TPPP: variants seen among roughly 807,000 people sequenced by gnomAD.
The protein encoded by TPPP is tubulin polymerization promoting protein, also known as tubulin polymerization-promoting protein.
TPPP carries 6 observed loss-of-function variants against 15.5 expected under a neutral mutation model. The ratio of observed to expected loss-of-function variants is 0.39; its 90% confidence interval spans 0.21 to 0.77. TPPP has a LOEUF of 0.77. Among genes scored for constraint, TPPP ranks in the 30% least tolerant of loss-of-function variants. The pLI, the probability that TPPP is intolerant of heterozygous loss-of-function variation, is 0.42. For synonymous variants in TPPP, 146 were observed against 133.9 expected (o/e 1.09, Z -0.63); for missense variants, 269 against 307.2 (o/e 0.88, Z 0.93).
chr5:698,804 A>G, the TPPP span, among the ~76,000 whole-genome samples: 1 of 152,018 alleles, frequency 6.6e-6, no homozygotes, highest in Admixed American at 6.6e-5. Context: ...CTTAGATTTG[A>G]TAAATAAATT....
Position 665,159 on chromosome 5 carries a change from A to G in TPPP, c.603T>C (p.Tyr201=), listed in dbSNP as rs766450034. Residue 201 remains tyrosine, a synonymous_variant, in exon 4 of 4, where the codon TAT becomes TAC. Coordinates refer to ENST00000360578, the MANE Select transcript of TPPP (RefSeq NM_007030.3). ...GRVDLVDESG[Y]VSGYKHAGTY... is the part of the protein sequence containing the mutation. The stretch of plus-strand genomic sequence containing the variant: ...TGCCTGCGTGCTTGTAGCCGGACAC[A>G]TAGCCTGACTCGTCCACCAGATCCA... The G allele has an allele frequency of 2.6e-5, 42 of 1,613,430 alleles. No homozygotes were observed. The Admixed American group carries it at 6.0e-4, about 23-fold the overall frequency.
intron 1 of TPPP, among the ~76,000 whole-genome samples, chr5:681,806 G>C (rs1350578331): frequency 6.6e-6 from 1 of 152,248 alleles, no homozygotes; most frequent in Non-Finnish European, 1.5e-5. Flanking sequence ...GATGAGGGCA[G>C]AGGTGGCACC....
At chr5:673,159 CAA>C (rs1740281719) in intron 2 of TPPP, among the ~76,000 whole-genome samples, 1 of 150,058 alleles carries the variant, frequency 6.7e-6, no homozygotes, top group Non-Finnish European at 1.5e-5. Flanking sequence ...AAAACAAAAG[CAA>C]CTCCCACAGG....
intron 2 of TPPP, among the ~76,000 whole-genome samples, chr5:674,084 G>A (rs1437793141): frequency 1.3e-5 from 2 of 152,244 alleles, no homozygotes; most frequent in East Asian, 3.8e-4. Flanking sequence ...CGGCCCTGCA[G>A]GGCTGACGGC....
At chr5:667,077 A>T (rs113665893) in intron 2 of TPPP, 1 of 151,204 alleles carries the variant, frequency 6.6e-6, no homozygotes, top group Admixed American at 6.6e-5. Flanking sequence ...GACCCATAAA[A>T]CCCCAGCAAG....
intron 1 of TPPP, among the ~76,000 whole-genome samples, chr5:682,842 G>T (rs1225851000): frequency 6.6e-6 from 1 of 152,350 alleles, no homozygotes. Context: ...GAGGCTGGTG[G>T]ACAGGCTGTG....
chr5:674,724 G>C (rs1424161680), intron 2 of TPPP, among the ~76,000 whole-genome samples: 1 of 151,984 alleles, frequency 6.6e-6, no homozygotes, highest in Non-Finnish European at 1.5e-5. Context: ...GAGGCTGCAG[G>C]TTTCCAGCAG....
At chr5:675,132 A>AG (rs1740365057) in intron 2 of TPPP, among the ~76,000 whole-genome samples, 1 of 88,002 alleles carries the variant, frequency 1.1e-5, no homozygotes, top group Non-Finnish European at 2.3e-5. Flanking sequence ...CAGTGTGGCC[A>AG]GGGGTGCAGT....
chr5:684,232 C>G (rs1265095335), intron 1 of TPPP, among the ~76,000 whole-genome samples: 1 of 152,226 alleles, frequency 6.6e-6, no homozygotes, highest in South Asian at 2.1e-4. Context: ...AGGACGCTGA[C>G]TGAGGGAGCG....
At chr5:688,515 C>T (rs368314539) in intron 1 of TPPP, among the ~76,000 whole-genome samples, 296 of 151,596 alleles carry the variant, frequency 2.0e-3, no homozygotes, top group Middle Eastern at 6.8e-3. Context: ...GACGGGAAAA[C>T]GGACGGTGAG....
chr5:669,956 C>T (rs1424915448), intron 2 of TPPP, among the ~76,000 whole-genome samples: 5 of 152,122 alleles, frequency 3.3e-5, no homozygotes, highest in South Asian at 2.1e-4. Context: ...GTGTGGAGCT[C>T]GGCATCCTCA....
chr5:664,208 G>T lies in TPPP; in HGVS notation c.*894C>A, dbSNP rs3749611. The stretch of plus-strand genomic sequence containing the variant: ...CAGGGTGCAGCTAGTGAGGACGGGC[G>T]AACGGGAGGGCCGGGCAGAGGCTCT... On this transcript the variant is annotated 3_prime_UTR_variant, in exon 4 of 4. Transcript: ENST00000360578. The T allele has an allele frequency of 6.6e-6, 1 of 152,666 alleles. No homozygotes were observed. The highest frequency in any genetic ancestry group is 6.5e-5 in the Admixed American group (1 of 15,294). 9.5% of individuals were successfully genotyped at this position (152,666 alleles called of 1,614,324 possible). A position where few individuals can be genotyped will look rare whatever the true frequency, so the allele number is the denominator to read the frequency against.
At chr5:695,972 C>T (rs1206280906), upstream of TPPP, among the ~76,000 whole-genome samples, 1 of 121,588 alleles carries the variant, frequency 8.2e-6, no homozygotes, top group African/African-American at 3.0e-5. Context: ...GCTGTTTCCA[C>T]GGCTTCCTGC....
In TPPP at chr5:666,008, G is replaced by T; in HGVS notation, c.427C>A (p.Leu143Ile). The T allele has an allele frequency of 6.2e-7, 1 of 1,601,916 alleles. No individual in the cohort carries two copies. Residue 143 changes from leucine (L) to isoleucine (I), a missense_variant, in exon 3 of 4, where the codon CTC (leucine) becomes ATC (isoleucine). By Grantham distance (5) the Leu-to-Ile change is conservative. Coordinates refer to ENST00000360578, the MANE Select transcript of TPPP (RefSeq NM_007030.3). ...ATGATGGGCGCCTTGCCCTCGATGA[G>T]CCTGTGCACCTCGCGAACGGCCTCC... ...SEEAVREVHR[L>I]IEGKAPIISG...
At chr5:673,072 C>G (rs1740278999) in intron 2 of TPPP, among the ~76,000 whole-genome samples, 1 of 152,170 alleles carries the variant, frequency 6.6e-6, no homozygotes, top group Non-Finnish European at 1.5e-5. Flanking sequence ...CCGAAGGCCA[C>G]TTCCTCACGG....
At chr5:699,044 C>T in the TPPP span, among the ~76,000 whole-genome samples, 1 of 151,966 alleles carries the variant, frequency 6.6e-6, no homozygotes, top group Non-Finnish European at 1.5e-5. Flanking sequence ...ATCCCATGCT[C>T]ATGGATTGGA....
At position 660,972 on chromosome 5, in the gene TPPP, C is replaced by T. The variant is rs952705353; in HGVS notation, c.*4130G>A. The stretch of plus-strand genomic sequence containing the variant: ...GGATATTAGAAGGTGTAAAAGTAGT[C>T]CAGTATAAATATATATCTTCTACAA... On this transcript the variant is annotated 3_prime_UTR_variant, in exon 4 of 4. Coordinates refer to ENST00000360578, the MANE Select transcript of TPPP (RefSeq NM_007030.3). 2.0e-5 allele frequency: 3 copies of T among 152,216 alleles called. No individual in the cohort carries two copies. The highest frequency in any genetic ancestry group is 4.4e-5 in the Non-Finnish European group (3 of 68,038). The allele number at this position is 152,216 out of a possible 1,614,324, so 9.4% of individuals were successfully genotyped here. A position where few individuals can be genotyped will look rare whatever the true frequency, so the allele number is the denominator to read the frequency against.
chr5:673,683 G>T (rs971171983), intron 2 of TPPP, among the ~76,000 whole-genome samples: 2 of 152,222 alleles, frequency 1.3e-5, no homozygotes, highest in Non-Finnish European at 2.9e-5. Flanking sequence ...GTCAGCCAAG[G>T]CTGGCACACC....
chr5:662,216 C>CGGGG lies in TPPP; in HGVS notation c.*2885_*2886insCCCC, dbSNP rs1469987513. Reference sequence around the variant, plus strand: ...AGGTCTGGGAAGGGCTGTGGTGAGTCGGTGCTGGCCGTGTGGGCGAGGTGA... The same window carrying CGGGG: ...AGGTCTGGGAAGGGCTGTGGTGAGTCGGGGGGTGCTGGCCGTGTGGGCGAGGTGA... On this transcript the variant is annotated 3_prime_UTR_variant, in exon 4 of 4. Transcript: ENST00000360578. The CGGGG allele has an allele frequency of 6.6e-6, 1 of 152,512 alleles. No individual in the cohort carries two copies. Among genetic ancestry groups the CGGGG allele is most frequent in the East Asian group, 1.9e-4 (1 of 5,322 alleles). 9.4% of individuals were successfully genotyped at this position (152,512 alleles called of 1,614,324 possible).
Sources: allele counts gnomAD v4.1 joint callset (sites outside exome capture counted in the v4.1 genomes callset), GRCh38; gene constraint gnomAD v4.1.1; transcripts MANE v1.5; gene names NCBI Gene and HGNC (gene_info 2026-07-23, HGNC 2026-07-21).